Variants in NEO1 observed in about 807,000 individuals in gnomAD.
The protein encoded by NEO1 is neogenin.
In NEO1, 63 loss-of-function variants were observed where a neutral mutation model predicts 159.7. The ratio of observed to expected loss-of-function variants is 0.39; its 90% CI spans 0.32 to 0.49. NEO1 has a LOEUF of 0.49. Among genes scored for constraint, NEO1 ranks in the 20% least tolerant of loss-of-function variants. The pLI is 0.85. For synonymous variants in NEO1, 633 were observed against 662.0 expected, an observed-to-expected ratio of 0.96 and a Z score of 0.67; for missense variants, 1,615 against 1,831.0, an observed-to-expected ratio of 0.88 and a Z score of 2.15.
In NEO1 at chr15:73,052,616, G is replaced by T; in HGVS notation, c.-60G>T. 1 of 1,090,382 alleles carries T rather than the reference G, an allele frequency of 9.2e-7. No individual in the cohort carries two copies. 67.5% of individuals were successfully genotyped at this position (1,090,382 alleles called of 1,614,324 possible). A position where few individuals can be genotyped will look rare whatever the true frequency, so the allele number is the denominator to read the frequency against. On this transcript the variant is annotated 5_prime_UTR_variant, in exon 1 of 29. Coordinates refer to ENST00000261908, the MANE Select transcript of NEO1 (RefSeq NM_002499.4). ...GGGACCGGCTGAGGCGCGCGGGAGG[G>T]AAGGAGGCAAGGGCTCCGCGGCGCT...
intron 26 of NEO1, 109 bp downstream of exon 26, chr15:73,293,657 T>C (rs538729360): frequency 9.9e-4 from 1,168 of 1,181,718 alleles, no homozygotes; most frequent in South Asian, 1.4e-3. Flanking sequence ...TTTTTCTGTT[T>C]TATTTAACTT....
intron 1 of NEO1, among the ~76,000 whole-genome samples, chr15:73,075,014 A>G (rs982320174): frequency 6.6e-6 from 1 of 152,206 alleles, no homozygotes; most frequent in African/African-American, 2.4e-5. Context: ...ATTAAAGACT[A>G]TTTCAAAATT....
intron 23 of NEO1, among the ~76,000 whole-genome samples, chr15:73,285,993 G>A (rs886308264): frequency 1.3e-5 from 2 of 151,908 alleles, no homozygotes; most frequent in African/African-American, 4.8e-5. Flanking sequence ...CCTCTTACTC[G>A]TTATTGGCCG....
intron 16 of NEO1, among the ~76,000 whole-genome samples, chr15:73,267,320 A>C (rs1452349587): frequency 6.6e-6 from 1 of 152,350 alleles, no homozygotes; most frequent in African/African-American, 2.4e-5. Context: ...ATTTTTCTAT[A>C]GATATATAAG....
intron 3 of NEO1, 141 bp downstream of exon 3, chr15:73,122,941 G>A (rs1048571024): frequency 7.7e-5 from 79 of 1,025,016 alleles, no homozygotes; most frequent in Admixed American, 2.6e-4. Flanking sequence ...AGGTTGAAGC[G>A]GGTGGATCAC....
At chr15:73,122,054 T>A (rs2071682824) in intron 2 of NEO1, among the ~76,000 whole-genome samples, 1 of 58,372 alleles carries the variant, frequency 1.7e-5, no homozygotes, top group Non-Finnish European at 3.3e-5. Context: ...TAGGGGTGTG[T>A]GTGTGTGTGT....
chr15:73,160,132 A>G (rs2034066009), intron 5 of NEO1, among the ~76,000 whole-genome samples: 1 of 152,086 alleles, frequency 6.6e-6, no homozygotes, highest in Admixed American at 6.5e-5. Context: ...TTACTTCATG[A>G]TAGTTTTTAA....
chr15:73,217,024 T>A (rs964299801), intron 7 of NEO1, among the ~76,000 whole-genome samples: 6 of 152,204 alleles, frequency 3.9e-5, no homozygotes, highest in Non-Finnish European at 8.8e-5. Context: ...TCCTGAATGG[T>A]AATGCCTAGG....
intron 7 of NEO1, among the ~76,000 whole-genome samples, chr15:73,196,418 T>C (rs2036535209): frequency 1.3e-5 from 2 of 152,254 alleles, no homozygotes; most frequent in South Asian, 4.1e-4. Context: ...AGTAGTGTGT[T>C]CCTATCAGAT....
At chr15:73,102,554 A>C (rs1032093259) in intron 1 of NEO1, among the ~76,000 whole-genome samples, 2 of 152,152 alleles carry the variant, frequency 1.3e-5, no homozygotes, top group East Asian at 3.9e-4. Context: ...ATGTATATCT[A>C]ATGAATGGGG....
chr15:73,286,422 C>T (rs2041951475), intron 23 of NEO1, among the ~76,000 whole-genome samples: 2 of 152,274 alleles, frequency 1.3e-5, no homozygotes, highest in South Asian at 4.1e-4. Flanking sequence ...ATAGGTCCTC[C>T]TGTCTACCTA....
At chr15:73,158,668 T>A (rs2033956251) in intron 5 of NEO1, among the ~76,000 whole-genome samples, 1 of 152,160 alleles carries the variant, frequency 6.6e-6, no homozygotes, top group Non-Finnish European at 1.5e-5. Context: ...GGGATTACAG[T>A]CATGAGCCAT....
At chr15:73,161,582 G>A (rs1398592077) in intron 5 of NEO1, among the ~76,000 whole-genome samples, 1 of 152,104 alleles carries the variant, frequency 6.6e-6, no homozygotes, top group Non-Finnish European at 1.5e-5. Context: ...CCAAGCAAAG[G>A]GTGGATTTCC....
At chr15:73,126,597 CT>C in intron 4 of NEO1, 27 bp downstream of exon 4, 1 of 1,601,772 alleles carries the variant, frequency 6.2e-7, no homozygotes, top group Non-Finnish European at 8.5e-7. Context: ...TAAAAGCCTT[CT>C]TCAGCCTTAG....
Position 73,259,027 on chromosome 15 carries a change from G to T in NEO1, c.2203+151G>T, listed in dbSNP as rs2040495461. The T allele has an allele frequency of 1.4e-5, 9 of 624,306 alleles. No homozygotes were observed. The South Asian group carries it at 1.8e-4, about 12-fold the overall frequency. 38.7% of individuals were successfully genotyped at this position (624,306 alleles called of 1,614,324 possible). A position where few individuals can be genotyped will look rare whatever the true frequency, so the allele number is the denominator to read the frequency against. ...GCTGTTGTTCCTGTATTGCATCGAG[G>T]CTGCTGGAATGGATTTTTTGCAGTG... On this transcript the variant is annotated intron_variant, in intron 14 of 28. Coordinates refer to ENST00000261908, the MANE Select transcript of NEO1 (RefSeq NM_002499.4).
intron 6 of NEO1, among the ~76,000 whole-genome samples, chr15:73,177,794 G>A (rs953469838): frequency 1.3e-5 from 2 of 152,146 alleles, no homozygotes; most frequent in Non-Finnish European, 2.9e-5. Flanking sequence ...TCCTGCCTCG[G>A]CCTCCCAAAG....
rs545846547 is a variant in NEO1, at chr15:73,182,442, G to T, written c.1291+4015G>T. ...AGCTTAGTAATCTACAACGTCACAG[G>T]TTCTCTTGAGCCCAGCAGAGAGCTG... On this transcript the variant is annotated intron_variant, in intron 7 of 28. Transcript: ENST00000261908. Among the ~76,000 whole-genome samples, 449 of 152,246 alleles carry T rather than the reference G, an allele frequency of 2.9e-3. 1 individual carries two copies. The highest frequency in any genetic ancestry group is 5.1e-3 in the Non-Finnish European group (350 of 68,034).
chr15:73,179,060 T>C (rs1255385083), intron 7 of NEO1, among the ~76,000 whole-genome samples: 1 of 152,136 alleles, frequency 6.6e-6, no homozygotes, highest in Non-Finnish European at 1.5e-5. Context: ...AAAAACCAAG[T>C]TTATTATTTA....
intron 1 of NEO1, among the ~76,000 whole-genome samples, chr15:73,064,716 C>G (rs965486458): frequency 6.6e-6 from 1 of 152,148 alleles, no homozygotes; most frequent in African/African-American, 2.4e-5. Flanking sequence ...ATTCTCCTGC[C>G]TTGGCCCCCC....
Sources: allele counts gnomAD v4.1 joint callset (sites outside exome capture counted in the v4.1 genomes callset), GRCh38; gene constraint gnomAD v4.1.1; transcripts MANE v1.5; gene names NCBI Gene and HGNC (gene_info 2026-07-23, HGNC 2026-07-21).